PDE3A: variants seen among roughly 807,000 people sequenced by gnomAD.
PDE3A encodes the protein phosphodiesterase 3A.
PDE3A carries 43 observed loss-of-function variants against 98.3 expected under a neutral mutation model. The ratio of observed to expected loss-of-function variants is 0.44; its 90% CI spans 0.34 to 0.56. The LOEUF is 0.56. PDE3A is among the 20% of genes least tolerant of loss of function. The pLI is 0.01. For missense variants in PDE3A, 1,427 were observed against 1,440.7 expected (o/e 0.99, Z 0.15); for synonymous variants, 663 against 567.9 (o/e 1.17, Z -2.38).
chr12:20,611,676 C>T (rs1442865124), intron 2 of PDE3A, among the ~76,000 whole-genome samples: 1 of 151,802 alleles, frequency 6.6e-6, no homozygotes, highest in African/African-American at 2.4e-5. Flanking sequence ...GATAATTTTA[C>T]AGAGTAATTT....
At chr12:20,547,994 G>A (rs1321718422) in intron 1 of PDE3A, among the ~76,000 whole-genome samples, 2 of 152,024 alleles carry the variant, frequency 1.3e-5, no homozygotes, top group African/African-American at 2.4e-5. Flanking sequence ...TTTCCTTGGA[G>A]CTAAGTACTG....
At chr12:20,489,639 G>A (rs941253023) in intron 1 of PDE3A, among the ~76,000 whole-genome samples, 2 of 152,178 alleles carry the variant, frequency 1.3e-5, no homozygotes, top group Non-Finnish European at 2.9e-5. Flanking sequence ...GTGATCATAA[G>A]ATATGTCATT....
At chr12:20,413,059 C>T (rs978645631) in intron 1 of PDE3A, among the ~76,000 whole-genome samples, 1 of 152,174 alleles carries the variant, frequency 6.6e-6, no homozygotes, top group African/African-American at 2.4e-5. Context: ...CAGAGTAACA[C>T]TATTCTGTCC....
intron 2 of PDE3A, among the ~76,000 whole-genome samples, chr12:20,579,274 T>G (rs1943010329): frequency 6.6e-6 from 1 of 152,224 alleles, no homozygotes; most frequent in African/African-American, 2.4e-5. Context: ...TGTCCACATC[T>G]TGATTAACCC....
chr12:20,674,343 G>A (rs2120452075), intron 15 of PDE3A, among the ~76,000 whole-genome samples: 1 of 152,262 alleles, frequency 6.6e-6, no homozygotes, highest in South Asian at 2.1e-4. Flanking sequence ...TTGAATAGCA[G>A]CAGTGATAGT....
chr12:20,374,950 C>T lies in PDE3A; in HGVS notation c.960+4706C>T, dbSNP rs141354527. On this transcript the variant is annotated intron_variant, in intron 1 of 15. Transcript: ENST00000359062. ...AATCAATGCAACTATTGTATCATGC[C>T]TTTGCATTGGGCGATGGGGAAATGT... 1.4e-4 allele frequency among the ~76,000 whole-genome samples: 22 copies of T among 152,024 alleles called. No individual in the cohort carries two copies. In the East Asian group the frequency reaches 4.1e-3, roughly 28 times the overall value.
At chr12:20,379,058 A>G (rs920749825) in intron 1 of PDE3A, among the ~76,000 whole-genome samples, 14 of 151,810 alleles carry the variant, frequency 9.2e-5, no homozygotes, top group African/African-American at 3.4e-4. Context: ...AAGTAAGTTT[A>G]AATAACTGAA....
chr12:20,555,353 A>G (rs1462051588), intron 1 of PDE3A, among the ~76,000 whole-genome samples: 1 of 152,200 alleles, frequency 6.6e-6, no homozygotes, highest in African/African-American at 2.4e-5. Context: ...CTTGAGGTGT[A>G]CAACATAATA....
Position 20,648,708 on chromosome 12 carries a change from T to C in PDE3A, c.2586T>C (p.Arg862=). The change falls in exon 13 of 16, where the codon CGT becomes CGC. Residue 862 remains arginine (R), a synonymous_variant. Coordinates refer to ENST00000359062, the MANE Select transcript of PDE3A (RefSeq NM_000921.5). ...CCTAGGCGGTGCTATATAACGATCG[T>C]TCAGTTTTGGAGAATCATCACGCAG... ...SAPQAVLYND[R]SVLENHHAAA... 1.2e-6 allele frequency: 2 copies of C among 1,611,362 alleles called. No individual in the cohort carries two copies. Among genetic ancestry groups the C allele is most frequent in the Non-Finnish European group, 1.7e-6 (2 of 1,177,528 alleles).
At chr12:20,510,985 T>G in intron 1 of PDE3A, among the ~76,000 whole-genome samples, 1 of 152,132 alleles carries the variant, frequency 6.6e-6, no homozygotes, top group South Asian at 2.1e-4. Context: ...ATCAAACAAC[T>G]TCAGTCACGA....
At chr12:20,590,035 A>G (rs1943297924) in intron 2 of PDE3A, among the ~76,000 whole-genome samples, 1 of 152,150 alleles carries the variant, frequency 6.6e-6, no homozygotes, top group Admixed American at 6.5e-5. Flanking sequence ...AACGTATTAC[A>G]TGGATGTGAA....
At chr12:20,511,829 G>C (rs1946230221) in intron 1 of PDE3A, among the ~76,000 whole-genome samples, 1 of 152,042 alleles carries the variant, frequency 6.6e-6, no homozygotes, top group East Asian at 1.9e-4. Context: ...GCCTCAGCCA[G>C]ATGATCAAGG....
At chr12:20,505,897 G>C (rs1184965111) in intron 1 of PDE3A, among the ~76,000 whole-genome samples, 1 of 152,018 alleles carries the variant, frequency 6.6e-6, no homozygotes, top group Non-Finnish European at 1.5e-5. Context: ...AGCTACTCTG[G>C]TTGTATAAGG....
intron 2 of PDE3A, among the ~76,000 whole-genome samples, chr12:20,592,461 G>A (rs766964750): frequency 1.9e-4 from 29 of 152,094 alleles, no homozygotes; most frequent in Admixed American, 1.4e-3. Flanking sequence ...GTCAAAATTT[G>A]TTCACTCTAT....
At chr12:20,373,649 T>C (rs1943519595) in intron 1 of PDE3A, among the ~76,000 whole-genome samples, 1 of 152,150 alleles carries the variant, frequency 6.6e-6, no homozygotes, top group Non-Finnish European at 1.5e-5. Context: ...TTTATATTTT[T>C]ACCTGTGGTT....
intron 1 of PDE3A, among the ~76,000 whole-genome samples, chr12:20,540,527 A>G (rs1053500355): frequency 6.6e-6 from 1 of 152,120 alleles, no homozygotes; most frequent in African/African-American, 2.4e-5. Context: ...AGGAATAGTC[A>G]TTCCTTCATG....
intron 2 of PDE3A, among the ~76,000 whole-genome samples, chr12:20,605,229 C>T (rs1181954202): frequency 2.0e-5 from 3 of 152,116 alleles, no homozygotes; most frequent in African/African-American, 7.2e-5. Context: ...TGACACTAGG[C>T]AAATGCGTAA....
intron 1 of PDE3A, among the ~76,000 whole-genome samples, chr12:20,467,452 A>G (rs1017609071): frequency 1.3e-5 from 2 of 152,120 alleles, no homozygotes; most frequent in African/African-American, 4.8e-5. Context: ...AATGACTTAT[A>G]AAAATGTATT....
chr12:20,650,827 G>GT (rs2121517969), intron 14 of PDE3A, among the ~76,000 whole-genome samples: 1 of 151,750 alleles, frequency 6.6e-6, no homozygotes, highest in African/African-American at 2.4e-5. Context: ...AGCATTTGGG[G>GT]GAAGAAGATA....
Sources: allele counts gnomAD v4.1 joint callset (sites outside exome capture counted in the v4.1 genomes callset), GRCh38; gene constraint gnomAD v4.1.1; transcripts MANE v1.5; gene names NCBI Gene and HGNC (gene_info 2026-07-23, HGNC 2026-07-21).